Variants in USP13 observed in about 807,000 individuals in gnomAD.
USP13 encodes the protein ubiquitin specific peptidase 13.
Under a neutral mutation model 107.8 loss-of-function variants are expected in USP13, and 68 were observed. The observed-to-expected ratio is 0.63, with a 90% confidence interval of 0.52 to 0.77. The LOEUF is 0.77. Ranked by LOEUF, USP13 falls within the 30% of genes least tolerant of loss-of-function variation. USP13 has a pLI of 0.00. For synonymous variants in USP13, 377 were observed against 389.5 expected (o/e 0.97, Z 0.38); for missense variants, 945 against 1,093.3 (o/e 0.86, Z 1.91).
chr3:179,659,504 C>T (rs1720394280), intron 1 of USP13, among the ~76,000 whole-genome samples: 1 of 152,176 alleles, frequency 6.6e-6, no homozygotes, highest in African/African-American at 2.4e-5. Flanking sequence ...GATTCTGAGA[C>T]ATGCCAAAGT....
intron 20 of USP13, among the ~76,000 whole-genome samples, chr3:179,782,832 G>A (rs1235734351): frequency 2.0e-5 from 3 of 151,998 alleles, no homozygotes; most frequent in Non-Finnish European, 2.9e-5. Flanking sequence ...TACAACCTCC[G>A]CCTCCCAAAT....
chr3:179,718,552 A>T (rs1231391895), intron 6 of USP13, among the ~76,000 whole-genome samples: 1 of 152,110 alleles, frequency 6.6e-6, no homozygotes, highest in Non-Finnish European at 1.5e-5. Context: ...TGTGGCCTTT[A>T]TGAGCTTCTT....
Position 179,752,324 on chromosome 3 carries a change from G to T in USP13, c.1749G>T (p.Val583=). 6.2e-7 allele frequency: 1 copy of T among 1,614,152 alleles called. No homozygotes were observed. Among genetic ancestry groups the T allele is most frequent in the Non-Finnish European group, 8.5e-7 (1 of 1,180,014 alleles). The change falls in exon 14 of 21, where the codon GTG becomes GTT. Residue 583 remains valine, a synonymous_variant. Transcript: ENST00000263966. ...CTTCATTCCCTGAATACTTGGTAGT[G>T]CAGATAAAGAAGTTCACTTTTGGTC... ...RFASFPEYLV[V]QIKKFTFGLD...
At chr3:179,783,118 A>G (rs1321988875) in intron 20 of USP13, among the ~76,000 whole-genome samples, 1 of 152,214 alleles carries the variant, frequency 6.6e-6, no homozygotes, top group African/African-American at 2.4e-5. Flanking sequence ...TATGGAATGA[A>G]GTCAAAGAAA....
chr3:179,691,062 G>T (rs1712100842), intron 3 of USP13, among the ~76,000 whole-genome samples: 1 of 151,728 alleles, frequency 6.6e-6, no homozygotes, highest in Non-Finnish European at 1.5e-5. Context: ...TCAGTGACTT[G>T]GGAGGCTGAG....
intron 10 of USP13, among the ~76,000 whole-genome samples, chr3:179,736,602 G>A (rs1409108663): frequency 1.3e-5 from 2 of 152,208 alleles, no homozygotes; most frequent in African/African-American, 2.4e-5. Flanking sequence ...CTAAATGATC[G>A]ACAACTCTCA....
intron 14 of USP13, among the ~76,000 whole-genome samples, chr3:179,754,283 T>C (rs1292168574): frequency 2.0e-5 from 3 of 152,216 alleles, no homozygotes; most frequent in Non-Finnish European, 4.4e-5. Flanking sequence ...ATTGCACCAT[T>C]GTCTAGGGTA....
intron 8 of USP13, 33 bp from the exon 9 acceptor site, chr3:179,730,156 G>C: frequency 1.3e-6 from 2 of 1,582,622 alleles, no homozygotes; most frequent in Non-Finnish European, 1.7e-6. Flanking sequence ...TCTTGCAGTT[G>C]CTATGTTTTA....
At chr3:179,769,668 C>G (rs1034404239) in intron 19 of USP13, among the ~76,000 whole-genome samples, 1 of 152,138 alleles carries the variant, frequency 6.6e-6, no homozygotes, top group Admixed American at 6.5e-5. Context: ...CTCTGCCTCT[C>G]GAAGTGTTAG....
At chr3:179,716,611 A>G (rs1435622894) in intron 6 of USP13, among the ~76,000 whole-genome samples, 1 of 152,238 alleles carries the variant, frequency 6.6e-6, no homozygotes, top group Non-Finnish European at 1.5e-5. Flanking sequence ...CTAATAGCAT[A>G]CCGTCCAATA....
At chr3:179,731,377 C>T (rs1713798899) in intron 10 of USP13, among the ~76,000 whole-genome samples, 1 of 152,198 alleles carries the variant, frequency 6.6e-6, no homozygotes. Context: ...GCACTCCAGC[C>T]TGGGCGACAG....
At chr3:179,769,370 G>C (rs550236846) in intron 19 of USP13, among the ~76,000 whole-genome samples, 61 of 152,258 alleles carry the variant, frequency 4.0e-4, no homozygotes, top group African/African-American at 1.3e-3. Context: ...AAATAATGAA[G>C]ATATTTCCAC....
intron 1 of USP13, among the ~76,000 whole-genome samples, chr3:179,665,742 T>G (rs562946890): frequency 6.6e-6 from 1 of 152,080 alleles, no homozygotes; most frequent in South Asian, 2.1e-4. Flanking sequence ...TGCACCACCA[T>G]GCCCAGCTAA....
rs963724277 is a variant in USP13 at position 179,723,366 on chromosome 3, G to T, written c.1088+1777G>T. 2.6e-5 allele frequency among the ~76,000 whole-genome samples: 4 copies of T among 152,158 alleles called. No individual in the cohort carries two copies. The South Asian group carries it at 8.3e-4, about 32-fold the overall frequency. ...TGCTAAGCAGTGTGCTGAGTGTGTG[G>T]GGGTCAGTGGTGAACACAAGGACAT... is the stretch of plus-strand genomic sequence containing the variant. On this transcript the variant is annotated intron_variant, in intron 8 of 20. Transcript: ENST00000263966.
chr3:179,683,635 G>T (rs1342768121), intron 2 of USP13, among the ~76,000 whole-genome samples: 1 of 152,186 alleles, frequency 6.6e-6, no homozygotes, highest in Non-Finnish European at 1.5e-5. Flanking sequence ...TGAGAACAGT[G>T]CAGGAAAGAC....
At chr3:179,671,510 G>A (rs910750486) in intron 1 of USP13, among the ~76,000 whole-genome samples, 2 of 152,138 alleles carry the variant, frequency 1.3e-5, no homozygotes, top group Non-Finnish European at 2.9e-5. Context: ...GGAAGAGTGT[G>A]CATGTCATGT....
At chr3:179,760,598 C>CT (rs1362749684) in intron 16 of USP13, among the ~76,000 whole-genome samples, 1 of 148,620 alleles carries the variant, frequency 6.7e-6, no homozygotes, top group East Asian at 1.9e-4. Context: ...ATGTTTTAAG[C>CT]TTGTATAATT....
rs751550559 is a variant in USP13 at position 179,757,122 on chromosome 3, T to C, written c.1948+44T>C. On this transcript the variant is annotated intron_variant, in intron 16 of 20. Coordinates refer to ENST00000263966, the MANE Select transcript of USP13 (RefSeq NM_003940.3). ...GTTTCTCAATGTCCTACTGTTGTTA[T>C]TAATCTGATGAATTTGTCTGTGAAA... The C allele has an allele frequency of 5.0e-6, 8 of 1,597,590 alleles. No homozygotes were observed. In the East Asian group the frequency reaches 1.1e-4, roughly 22 times the overall value.
chr3:179,707,614 G>A (rs1453016436), intron 5 of USP13, among the ~76,000 whole-genome samples: 3 of 152,114 alleles, frequency 2.0e-5, no homozygotes, highest in African/African-American at 7.2e-5. Flanking sequence ...TCACCTCCCG[G>A]ACAAGCCATT....
Sources: gnomAD v4.1 joint callset for allele counts (sites outside exome capture counted in the v4.1 genomes callset) on GRCh38, gnomAD v4.1.1 for gene constraint, MANE v1.5 for transcripts, NCBI Gene and HGNC (gene_info 2026-07-23, HGNC 2026-07-21) for gene names.